Variants in FUT8 observed in about 807,000 individuals in gnomAD.
The protein encoded by FUT8 is fucosyltransferase 8.
A neutral mutation model predicts 71.3 loss-of-function variants in FUT8; 29 were observed. The ratio of observed to expected loss-of-function variants is 0.41; its 90% CI spans 0.30 to 0.55. The LOEUF is 0.55. Among genes scored for constraint, FUT8 ranks in the 20% least tolerant of loss-of-function variants. The probability of loss-of-function intolerance (pLI) is 0.34; values close to 1 mark genes in which losing one functional copy is unlikely to be tolerated. For synonymous variants in FUT8, 254 were observed against 239.3 expected, an observed-to-expected ratio of 1.06 and a Z score of -0.57; for missense variants, 544 against 702.1, an observed-to-expected ratio of 0.77 and a Z score of 2.55.
intron 7 of FUT8, among the ~76,000 whole-genome samples, chr14:65,699,662 G>A (rs539416119): frequency 2.0e-5 from 3 of 152,044 alleles, no homozygotes; most frequent in Admixed American, 6.6e-5. Context: ...TTCTCATTGC[G>A]GGAAGATCAG....
chr14:65,668,864 A>G (rs1434041725), intron 6 of FUT8, among the ~76,000 whole-genome samples: 1 of 152,196 alleles, frequency 6.6e-6, no homozygotes, highest in Non-Finnish European at 1.5e-5. Flanking sequence ...AAAGAATGAG[A>G]TCATGTCCTT....
the FUT8 span, among the ~76,000 whole-genome samples, chr14:65,358,366 TACTC>T: frequency 1.3e-5 from 2 of 152,200 alleles, no homozygotes; most frequent in Non-Finnish European, 2.9e-5. Context: ...AAACCATAGA[TACTC>T]AATATTTAAA....
chr14:65,575,591 C>T (rs991871441), intron 3 of FUT8, among the ~76,000 whole-genome samples: 5 of 140,962 alleles, frequency 3.5e-5, no homozygotes, highest in African/African-American at 1.4e-4. Context: ...TTCTTCCTTC[C>T]TTCCTTCCTT....
chr14:65,361,979 C>T, the FUT8 span, among the ~76,000 whole-genome samples: 1 of 152,244 alleles, frequency 6.6e-6, no homozygotes, highest in East Asian at 1.9e-4. Flanking sequence ...TGCTTTCTTT[C>T]TTTCACTCCA....
upstream of FUT8, among the ~76,000 whole-genome samples, chr14:65,409,520 C>T (rs2065102010): frequency 6.6e-6 from 1 of 152,198 alleles, no homozygotes; most frequent in African/African-American, 2.4e-5. This position sits in a 1 kb window ranked among gnomAD's most constrained non-coding sequence, Gnocchi z 5.4. Flanking sequence ...ATTTTTATTA[C>T]AGTCATAATA....
chr14:65,576,069 A>C lies in FUT8; in HGVS notation c.203+14303A>C, dbSNP rs147234140. On this transcript the variant is annotated intron_variant, in intron 3 of 10. Coordinates refer to ENST00000673929, the MANE Select transcript of FUT8 (RefSeq NM_001371533.1). Reference sequence around the variant, plus strand: ...TAAATTTGACTTTCTCCTCACTACAAATCCTTATAATAGCTCACTTGCTGT... The same window carrying C: ...TAAATTTGACTTTCTCCTCACTACACATCCTTATAATAGCTCACTTGCTGT... 2.6e-5 allele frequency among the ~76,000 whole-genome samples: 4 copies of C among 152,256 alleles called. No individual in the cohort carries two copies. In the East Asian group the frequency reaches 7.7e-4, roughly 29 times the overall value.
At position 65,413,786 on chromosome 14, in the gene FUT8, G is replaced by T. The variant is rs1424597365; in HGVS notation, c.-326+572G>T. 1.3e-5 allele frequency among the ~76,000 whole-genome samples: 2 copies of T among 152,218 alleles called. No homozygotes were observed. The highest frequency in any genetic ancestry group is 1.5e-5 in the Non-Finnish European group (1 of 68,038). On this transcript the variant is annotated intron_variant, in intron 1 of 10. Coordinates refer to ENST00000673929, the MANE Select transcript of FUT8 (RefSeq NM_001371533.1). This position sits in a 1 kb window ranked among gnomAD's most constrained non-coding sequence, Gnocchi z 4.1. Reference sequence around the variant, plus strand: ...CTCCCTTTTGATGTGCAAATGACGAGCTGGCGGCTTTTGAGTATCAACTTA... The same window carrying T: ...CTCCCTTTTGATGTGCAAATGACGATCTGGCGGCTTTTGAGTATCAACTTA...
chr14:65,383,837 G>A, the FUT8 span, among the ~76,000 whole-genome samples: 1 of 152,184 alleles, frequency 6.6e-6, no homozygotes, highest in Non-Finnish European at 1.5e-5. Context: ...GAGTGGTTGA[G>A]ATAACCAAAG....
At chr14:65,563,227 C>T (rs779243847) in intron 3 of FUT8, among the ~76,000 whole-genome samples, 1 of 151,954 alleles carries the variant, frequency 6.6e-6, no homozygotes, top group Non-Finnish European at 1.5e-5. Flanking sequence ...CTTATTCATT[C>T]ATTCTAAAGA....
At position 65,607,666 on chromosome 14, in the gene FUT8, A is replaced by G. The variant is rs1423829009; in HGVS notation, c.204-8312A>G. On this transcript the variant is annotated intron_variant, in intron 3 of 10. Coordinates refer to ENST00000673929, the MANE Select transcript of FUT8 (RefSeq NM_001371533.1). The surrounding 1 kb of genome is among the most constrained non-coding windows in gnomAD (Gnocchi z 4.1). ...GTTATCCTTGTCTACTTCTATATCA[A>G]TCTTATACTAATCTCAGGAATGGAA... Among the ~76,000 whole-genome samples the G allele has an allele frequency of 2.6e-5, 4 of 151,808 alleles. No homozygotes were observed. The highest frequency in any genetic ancestry group is 4.8e-5 in the African/African-American group (2 of 41,374).
the FUT8 span, among the ~76,000 whole-genome samples, chr14:65,384,982 C>T: frequency 6.6e-6 from 1 of 151,890 alleles, no homozygotes; most frequent in African/African-American, 2.4e-5. This position sits in a 1 kb window ranked among gnomAD's most constrained non-coding sequence, Gnocchi z 4.2. Context: ...ACCTCCACTG[C>T]CCGGGTTCAA....
chr14:65,452,449 A>G (rs540058157), intron 1 of FUT8, among the ~76,000 whole-genome samples: 1 of 152,302 alleles, frequency 6.6e-6, no homozygotes, highest in South Asian at 2.1e-4. Flanking sequence ...GCTCACACCT[A>G]GAGAGGGTTT....
In FUT8 at chr14:65,616,266, G is replaced by C. The variant is rs1393288114; in HGVS notation, c.375G>C (p.Glu125Asp). The part of the protein sequence containing the change: ...LRRRIENGAK[E>D]LWFFLQSELK... ...GGAGGATTGAAAATGGAGCTAAAGAGCTCTGGTTTTTCCTACAGAGTGAAT... is the reference window on the plus strand; with the variant it reads ...GGAGGATTGAAAATGGAGCTAAAGACCTCTGGTTTTTCCTACAGAGTGAAT... Residue 125 changes from glutamate (E) to aspartate (D), a missense_variant, in exon 5 of 11, where the codon GAG (glutamate) becomes GAC (aspartate). Transcript: ENST00000673929. 6.2e-7 allele frequency: 1 copy of C among 1,612,930 alleles called. No homozygotes were observed. The highest frequency in any genetic ancestry group is 1.7e-5 in the Admixed American group (1 of 59,770).
At chr14:65,408,634 T>G (rs1382857519), upstream of FUT8, among the ~76,000 whole-genome samples, 1 of 152,186 alleles carries the variant, frequency 6.6e-6, no homozygotes, top group Non-Finnish European at 1.5e-5. Context: ...AAATCAATAG[T>G]GTGAACTATA....
intron 6 of FUT8, among the ~76,000 whole-genome samples, chr14:65,656,671 T>TCAAAG (rs1265675414): frequency 2.0e-5 from 3 of 151,874 alleles, no homozygotes; most frequent in Non-Finnish European, 4.4e-5. Flanking sequence ...ACCAGAATAG[T>TCAAAG]CAAAGCTATC....
intron 7 of FUT8, among the ~76,000 whole-genome samples, chr14:65,707,390 A>G (rs1282214295): frequency 6.6e-6 from 1 of 152,106 alleles, no homozygotes; most frequent in Admixed American, 6.5e-5. Context: ...GCTTATTATT[A>G]TAGATATTAG....
chr14:65,597,621 TAAA>T (rs5809284), intron 3 of FUT8, among the ~76,000 whole-genome samples: 1 of 143,282 alleles, frequency 7.0e-6, no homozygotes, highest in Non-Finnish European at 1.5e-5. Context: ...AGACTCTGTC[TAAA>T]AAAAAAAAAA....
intron 3 of FUT8, among the ~76,000 whole-genome samples, chr14:65,563,165 T>A (rs952682735): frequency 6.6e-6 from 1 of 152,036 alleles, no homozygotes; most frequent in African/African-American, 2.4e-5. Flanking sequence ...TTTTCTTTCC[T>A]ACTTGGGGTA....
In FUT8 at chr14:65,656,440, C is replaced by T. The variant is rs72716419; in HGVS notation, c.598-12803C>T. Among the ~76,000 whole-genome samples the T allele has an allele frequency of 5.8e-3, 882 of 152,188 alleles. 3 individuals are homozygous for T. The highest frequency in any genetic ancestry group is 9.0e-3 in the Non-Finnish European group (613 of 67,988). On this transcript the variant is annotated intron_variant, in intron 6 of 10. Transcript: ENST00000673929. ...GAAATTAACCAAAGAAGTAAAGGAT[C>T]TCTACAATGCAAACTATAAAACATT...
Sources: gnomAD v4.1 joint callset for allele counts (sites outside exome capture counted in the v4.1 genomes callset) on GRCh38, gnomAD v4.1.1 for gene constraint, Gnocchi (gnomAD v3.1) non-coding constraint, MANE v1.5 for transcripts, NCBI Gene and HGNC (gene_info 2026-07-23, HGNC 2026-07-21) for gene names.